The following SOX6 variants were observed in gnomAD, a reference collection of about 807,000 sequenced individuals.
SOX6 encodes the protein SRY-box transcription factor 6.
SOX6 carries 11 observed loss-of-function variants against 97.8 expected under a neutral mutation model. The observed-to-expected ratio is 0.11, with a 90% CI of 0.07 to 0.19. The LOEUF (loss-of-function observed/expected upper bound fraction) is 0.19, where lower values mean the gene tolerates loss of function less well. SOX6 is among the 10% of genes least tolerant of loss of function. SOX6 has a pLI of 1.00. For synonymous variants in SOX6, 360 were observed against 371.4 expected, an observed-to-expected ratio of 0.97 and a Z score of 0.35; for missense variants, 810 against 1,039.5, an observed-to-expected ratio of 0.78 and a Z score of 3.04.
At chr11:16,639,968 G>C (rs1015602362) in intron 3 of SOX6, among the ~76,000 whole-genome samples, 1 of 152,122 alleles carries the variant, frequency 6.6e-6, no homozygotes, top group Non-Finnish European at 1.5e-5. Context: ...TGGTGAGAGA[G>C]GGCATCCCTG....
At chr11:16,296,255 CTTTT>C (rs1182120619) in intron 3 of SOX6, among the ~76,000 whole-genome samples, 1 of 151,968 alleles carries the variant, frequency 6.6e-6, no homozygotes, top group African/African-American at 2.4e-5. Context: ...ATAGTTATGT[CTTTT>C]TTAATACCAT....
chr11:16,029,534 G>A (rs1855306067), intron 12 of SOX6, among the ~76,000 whole-genome samples: 1 of 152,050 alleles, frequency 6.6e-6, no homozygotes. Context: ...CACTCGGGAG[G>A]CTGAGGCAGG....
chr11:16,236,217 A>C (rs1238150174), intron 3 of SOX6, among the ~76,000 whole-genome samples: 3 of 152,052 alleles, frequency 2.0e-5, no homozygotes, highest in Non-Finnish European at 4.4e-5. Flanking sequence ...TGGAGCCTAC[A>C]TGCAGATGCA....
chr11:16,176,778 A>G (rs2134091959), intron 6 of SOX6, among the ~76,000 whole-genome samples: 1 of 152,054 alleles, frequency 6.6e-6, no homozygotes, highest in African/African-American at 2.4e-5. Context: ...GAAGTGCAGT[A>G]AGATTTATTC....
intron 4 of SOX6, among the ~76,000 whole-genome samples, chr11:16,196,620 T>C (rs914555846): frequency 6.6e-5 from 10 of 152,086 alleles, no homozygotes; most frequent in Admixed American, 3.3e-4. Flanking sequence ...CTTGTAGTCA[T>C]CTAATTTACT....
chr11:16,631,597 T>C (rs1313740310), intron 3 of SOX6, among the ~76,000 whole-genome samples: 2 of 152,210 alleles, frequency 1.3e-5, no homozygotes, highest in African/African-American at 2.4e-5. Flanking sequence ...AGGTGTTCTC[T>C]GGATTTCTTG....
chr11:16,554,663 C>G (rs1225776453), intron 4 of SOX6, among the ~76,000 whole-genome samples: 1 of 152,116 alleles, frequency 6.6e-6, no homozygotes, highest in Non-Finnish European at 1.5e-5. Context: ...TGAAGGATTT[C>G]TGGAAATATG....
At chr11:16,454,814 T>A (rs1211479322) in intron 1 of SOX6, among the ~76,000 whole-genome samples, 1 of 152,082 alleles carries the variant, frequency 6.6e-6, no homozygotes, top group Non-Finnish European at 1.5e-5. Context: ...AAGACACACC[T>A]ACAAATTATT....
intron 4 of SOX6, among the ~76,000 whole-genome samples, chr11:16,222,884 T>C (rs941558248): frequency 2.0e-5 from 3 of 152,122 alleles, no homozygotes; most frequent in Non-Finnish European, 4.4e-5. Flanking sequence ...ACTAATCCCT[T>C]TCACCTTTAT....
At chr11:16,257,192 G>A (rs183260917) in intron 3 of SOX6, among the ~76,000 whole-genome samples, 2 of 151,822 alleles carry the variant, frequency 1.3e-5, no homozygotes, top group Non-Finnish European at 3.0e-5. Context: ...ATTGTTTTGA[G>A]GATATCAACA....
Position 16,484,475 on chromosome 11 carries a change from T to A in SOX6, n.610-8087A>T, listed in dbSNP as rs1860397685. 4.9e-6 allele frequency: 4 copies of A among 810,362 alleles called. No homozygotes were observed. In the East Asian group the frequency reaches 9.7e-5, roughly 20 times the overall value. 50.2% of individuals were successfully genotyped at this position (810,362 alleles called of 1,614,324 possible). On this transcript the variant is annotated intron_variant and non_coding_transcript_variant, in intron 4 of 5. Coordinates refer to the SOX6 transcript ENST00000524520. ...GAAGAGCTCCTCGCACTTCACCACC[T>A]GCTCCCTGAGCTTCTCCTGAATGGC...
At chr11:16,264,236 A>G (rs1853999419) in intron 3 of SOX6, among the ~76,000 whole-genome samples, 1 of 151,916 alleles carries the variant, frequency 6.6e-6, no homozygotes, top group Non-Finnish European at 1.5e-5. Context: ...CTAGATAACC[A>G]GTCTCAATAG....
intron 2 of SOX6, 36 bp from the exon 3 acceptor site, chr11:16,318,689 T>C: frequency 3.2e-6 from 5 of 1,585,984 alleles, no homozygotes; most frequent in Non-Finnish European, 4.3e-6. Flanking sequence ...CATTAGAATA[T>C]ACGTTTCTTT....
intron 4 of SOX6, among the ~76,000 whole-genome samples, chr11:16,505,357 G>A (rs956178982): frequency 2.0e-5 from 3 of 152,160 alleles, no homozygotes; most frequent in South Asian, 2.1e-4. Context: ...ATGACTTAGG[G>A]TATCTGGCAG....
At chr11:16,210,623 C>T (rs1852195089) in intron 4 of SOX6, among the ~76,000 whole-genome samples, 1 of 152,080 alleles carries the variant, frequency 6.6e-6, no homozygotes. Flanking sequence ...AGGAGCAGTT[C>T]CATATAGGTG....
chr11:16,352,967 T>C (rs1207241119), intron 1 of SOX6, among the ~76,000 whole-genome samples: 2 of 152,102 alleles, frequency 1.3e-5, no homozygotes, highest in Non-Finnish European at 2.9e-5. Flanking sequence ...CTGCAGTTTT[T>C]ACACAGTAAT....
At chr11:16,598,384 A>G (rs946538568) in intron 4 of SOX6, among the ~76,000 whole-genome samples, 23 of 152,042 alleles carry the variant, frequency 1.5e-4, no homozygotes, top group African/African-American at 5.3e-4. Context: ...AAATGCAATG[A>G]ACTACTCTCT....
At chr11:16,084,501 T>A (rs977715509) in intron 9 of SOX6, among the ~76,000 whole-genome samples, 2 of 152,120 alleles carry the variant, frequency 1.3e-5, no homozygotes, top group Admixed American at 1.3e-4. Flanking sequence ...CTAAGCAATT[T>A]GCTTATATTA....
At chr11:16,462,647 G>C (rs574726926) in intron 1 of SOX6, among the ~76,000 whole-genome samples, 11 of 152,296 alleles carry the variant, frequency 7.2e-5, no homozygotes, top group Admixed American at 2.0e-4. Flanking sequence ...AAATTAATCA[G>C]CACAACTGGG....
Sources: gnomAD v4.1 joint callset for allele counts (sites outside exome capture counted in the v4.1 genomes callset) on GRCh38, gnomAD v4.1.1 for gene constraint, MANE v1.5 for transcripts, NCBI Gene and HGNC (gene_info 2026-07-23, HGNC 2026-07-21) for gene names.